The following HPD variants were observed in gnomAD, a reference collection of about 807,000 sequenced individuals.
HPD encodes the protein 4-hydroxyphenylpyruvate dioxygenase.
In HPD, 35 loss-of-function variants were observed where a neutral mutation model predicts 56.9. That is an observed-to-expected ratio of 0.62 (90% CI 0.47 to 0.82). The LOEUF (loss-of-function observed/expected upper bound fraction) is 0.82, where lower values mean the gene tolerates loss of function less well. HPD is among the 40% of genes least tolerant of loss of function. The pLI, the probability that HPD is intolerant of heterozygous loss-of-function variation, is 0.00. For missense variants in HPD, 442 were observed against 506.8 expected, an observed-to-expected ratio of 0.87 and a Z score of 1.23; for synonymous variants, 186 against 200.2, an observed-to-expected ratio of 0.93 and a Z score of 0.60.
chr12:121,853,405 G>T (rs1877875309), intron 7 of HPD, among the ~76,000 whole-genome samples: 1 of 151,760 alleles, frequency 6.6e-6, no homozygotes, highest in Non-Finnish European at 1.5e-5. Context: ...GAGGCGGGCG[G>T]ATCACAAGGT....
At chr12:121,857,527 C>A in intron 3 of HPD, 95 bp from the exon 4 acceptor site, 1 of 1,017,918 alleles carries the variant, frequency 9.8e-7, no homozygotes, top group South Asian at 1.3e-5. Flanking sequence ...AGCCTGCCTG[C>A]CCTATTGCCT....
intron 7 of HPD, among the ~76,000 whole-genome samples, chr12:121,853,349 T>C (rs987068717): frequency 1.3e-5 from 2 of 151,710 alleles, no homozygotes; most frequent in Admixed American, 6.6e-5. Context: ...GTTGAAGAGG[T>C]GGGGCGCGGT....
At chr12:121,873,574 T>C in the HPD span, among the ~76,000 whole-genome samples, 2 of 152,214 alleles carry the variant, frequency 1.3e-5, no homozygotes, top group East Asian at 3.9e-4. Flanking sequence ...ATCCCAGCAC[T>C]TTGGGAAGCT....
intron 6 of HPD, among the ~76,000 whole-genome samples, chr12:121,855,972 C>CAAAAAAAAAA (rs57671436): frequency 1.5e-5 from 1 of 65,340 alleles, no homozygotes; most frequent in African/African-American, 6.6e-5. Flanking sequence ...CTCCGTCTCA[C>CAAAAAAAAAA]AAAAAAAAAA....
chr12:121,862,723 T>A (rs1265968090), upstream of HPD, among the ~76,000 whole-genome samples: 1 of 114,846 alleles, frequency 8.7e-6, no homozygotes, highest in Non-Finnish European at 1.8e-5. Context: ...TTTTTTTTTT[T>A]AGGCTGGAGT....
intron 12 of HPD, among the ~76,000 whole-genome samples, chr12:121,842,412 TGA>T (rs1382138553): frequency 1.3e-5 from 2 of 152,194 alleles, no homozygotes; most frequent in East Asian, 3.9e-4. Context: ...ATTATAGGTG[TGA>T]GCCACTGTGT....
chr12:121,869,843 T>C, the HPD span, among the ~76,000 whole-genome samples: 1 of 152,212 alleles, frequency 6.6e-6, no homozygotes, highest in Admixed American at 6.5e-5. Flanking sequence ...CTTAATTGTA[T>C]TATTTTTAGT....
chr12:121,858,784 G>C (rs368813055), intron 1 of HPD, 37 bp downstream of exon 1: 1 of 1,614,074 alleles, frequency 6.2e-7, no homozygotes. Context: ...CGTTACTGAA[G>C]ATGTCCCACC....
At chr12:121,883,020 A>G in the HPD span, among the ~76,000 whole-genome samples, 1 of 151,916 alleles carries the variant, frequency 6.6e-6, no homozygotes, top group Non-Finnish European at 1.5e-5. Context: ...GAGCCACCTC[A>G]CCCAGCCTTG....
chr12:121,851,541 G>A (rs2137622136), intron 7 of HPD, among the ~76,000 whole-genome samples: 2 of 140,038 alleles, frequency 1.4e-5, no homozygotes, highest in South Asian at 4.7e-4. Flanking sequence ...ACAGGGTTTT[G>A]CCACGTTGGC....
chr12:121,849,226 C>CT (rs3832816), intron 8 of HPD, 150 bp from the exon 9 acceptor site: 4 of 608,052 alleles, frequency 6.6e-6, no homozygotes, highest in East Asian at 2.8e-5. Flanking sequence ...AAGAGAGACT[C>CT]TTTTTTTTGC....
At chr12:121,844,665 G>A (rs1001856245) in intron 11 of HPD, among the ~76,000 whole-genome samples, 2 of 151,672 alleles carry the variant, frequency 1.3e-5, no homozygotes, top group Admixed American at 6.6e-5. Context: ...GGGTGATCAC[G>A]AGGTTAGGAG....
At chr12:121,858,334 G>A (rs1020064114) in intron 2 of HPD, among the ~76,000 whole-genome samples, 14 of 152,046 alleles carry the variant, frequency 9.2e-5, no homozygotes, top group African/African-American at 3.1e-4. Context: ...ACAGGGGTGC[G>A]CTACCATGCC....
At chr12:121,866,531 G>T (rs1413794297), upstream of HPD, among the ~76,000 whole-genome samples, 1 of 151,812 alleles carries the variant, frequency 6.6e-6, no homozygotes. Context: ...GCCATTTGAC[G>T]GAGTTTAAAT....
In HPD at chr12:121,843,700, T is replaced by C. The variant is rs1255976585; in HGVS notation, c.954+10A>G. 1 of 1,614,036 alleles carries C rather than the reference T, an allele frequency of 6.2e-7. No individual in the cohort carries two copies. The highest frequency in any genetic ancestry group is 8.5e-7 in the Non-Finnish European group (1 of 1,179,982). On this transcript the variant is annotated intron_variant, in intron 12 of 13. Transcript: ENST00000289004. ...CCCCCACAAGGCTGCGGATCCTGCC[T>C]GGGCCTCACCTCCAGGGCATCAATG...
chr12:121,854,029 C>T (rs1877905427), intron 7 of HPD, among the ~76,000 whole-genome samples: 1 of 152,194 alleles, frequency 6.6e-6, no homozygotes, highest in Non-Finnish European at 1.5e-5. Context: ...TTGGGCGGAT[C>T]ACCAGGTCAG....
chr12:121,856,910 C>T (rs1878022268), intron 4 of HPD: 1 of 535,772 alleles, frequency 1.9e-6, no homozygotes. Context: ...AATTCCTCTC[C>T]TCTGATATCC....
chr12:121,862,513 T>G (rs899787468), upstream of HPD, among the ~76,000 whole-genome samples: 4 of 151,344 alleles, frequency 2.6e-5, no homozygotes, highest in African/African-American at 7.3e-5. Context: ...GTCAGGCATG[T>G]CTCGAACTCC....
chr12:121,840,024 C>A lies in HPD; in HGVS notation c.979G>T (p.Asp327Tyr), dbSNP rs1877355450. 1.2e-6 allele frequency: 2 copies of A among 1,613,358 alleles called. No homozygotes were observed. The highest frequency in any genetic ancestry group is 8.5e-7 in the Non-Finnish European group (1 of 1,179,650). Residue 327 changes from aspartate to tyrosine, a missense_variant, in exon 13 of 14, where the codon GAC becomes TAC. Asp to Tyr is a radical substitution (Grantham distance 160). Coordinates refer to ENST00000289004, the MANE Select transcript of HPD (RefSeq NM_002150.3). ...ATCTGCAGGAGGTAGCCTTTCTCGT[C>A]GTAGTCCACCAGGATTTTCAGCTCC... ...LEELKILVDY[D>Y]EKGYLLQIFT...
Sources: gnomAD v4.1 joint callset for allele counts (sites outside exome capture counted in the v4.1 genomes callset) on GRCh38, gnomAD v4.1.1 for gene constraint, MANE v1.5 for transcripts, NCBI Gene and HGNC (gene_info 2026-07-23, HGNC 2026-07-21) for gene names.